The following TACC2 variants were observed in gnomAD, a reference collection of about 807,000 sequenced individuals.
The protein encoded by TACC2 is transforming acidic coiled-coil containing protein 2.
Under a neutral mutation model 227.3 loss-of-function variants are expected in TACC2, and 137 were observed. That is an observed-to-expected ratio of 0.60 (90% CI 0.52 to 0.69). The LOEUF is 0.69. Among genes scored for constraint, TACC2 ranks in the 30% least tolerant of loss-of-function variants. TACC2 has a pLI of 0.00. For synonymous variants in TACC2, 1,523 were observed against 1,487.5 expected, an observed-to-expected ratio of 1.02 and a Z score of -0.55; for missense variants, 3,470 against 3,694.4, an observed-to-expected ratio of 0.94 and a Z score of 1.57.
intron 3 of TACC2, among the ~76,000 whole-genome samples, chr10:122,062,336 C>T (rs2076928817): frequency 6.7e-6 from 1 of 149,042 alleles, no homozygotes; most frequent in African/African-American, 2.5e-5. Context: ...CCTGGAGTTT[C>T]ACTCTTGTTG....
intron 1 of TACC2, among the ~76,000 whole-genome samples, chr10:122,003,821 A>G (rs984780298): frequency 2.6e-5 from 4 of 151,632 alleles, no homozygotes; most frequent in Admixed American, 1.3e-4. Flanking sequence ...ATGCCCGGCT[A>G]ATTTTTTTGT....
At chr10:122,042,297 C>T (rs1227875921) in intron 2 of TACC2, among the ~76,000 whole-genome samples, 2 of 152,202 alleles carry the variant, frequency 1.3e-5, no homozygotes, top group East Asian at 3.9e-4. Flanking sequence ...GGCTGGAGTT[C>T]AGTGGCACAG....
At position 122,050,557 on chromosome 10, in the gene TACC2, G is replaced by A. The variant is rs1203345080; in HGVS notation, c.146+7G>A. The A allele has an allele frequency of 1.9e-6, 3 of 1,608,162 alleles. No homozygotes were observed. The highest frequency in any genetic ancestry group is 2.6e-6 in the Non-Finnish European group (3 of 1,175,370). On this transcript the variant is annotated splice_region_variant and intron_variant, in intron 3 of 22. Coordinates refer to ENST00000369005, the MANE Select transcript of TACC2 (RefSeq NM_206862.4). The surrounding 1 kb of genome is among the most constrained non-coding windows in gnomAD (Gnocchi z 4.6). Reference sequence around the variant, plus strand: ...ACCACAGAGACGCGTCCAGGTAGGAGGCCAGCTCTGGAGGACTGATGCAGC... The same window carrying A: ...ACCACAGAGACGCGTCCAGGTAGGAAGCCAGCTCTGGAGGACTGATGCAGC...
intron 7 of TACC2, among the ~76,000 whole-genome samples, chr10:122,177,493 C>T (rs2093774962): frequency 6.6e-6 from 1 of 152,036 alleles, no homozygotes; most frequent in African/African-American, 2.4e-5. Flanking sequence ...CACTTGAGCC[C>T]AGGAGTTCAA....
At chr10:122,176,215 A>C (rs2093711903) in intron 7 of TACC2, among the ~76,000 whole-genome samples, 1 of 151,460 alleles carries the variant, frequency 6.6e-6, no homozygotes, top group African/African-American at 2.4e-5. Context: ...CTGCAGATGA[A>C]GATTGGGTAC....
At position 122,083,432 on chromosome 10, in the gene TACC2, A is replaced by G. The variant is rs1387033561; in HGVS notation, c.932A>G (p.His311Arg). Residue 311 changes from histidine (H) to arginine (R), a missense_variant, in exon 4 of 23, where the codon CAT becomes CGT. Transcript: ENST00000369005. ...GACTTGGAATTCCTCAGGGCCTGCCATCTCCCTAGGAGCAATTCAGGGGCT... is the reference window on the plus strand; with the variant it reads ...GACTTGGAATTCCTCAGGGCCTGCCGTCTCCCTAGGAGCAATTCAGGGGCT... ...TDDLEFLRAC[H>R]LPRSNSGAAP... 1.9e-6 allele frequency: 3 copies of G among 1,613,564 alleles called. No homozygotes were observed. The highest frequency in any genetic ancestry group is 2.5e-6 in the Non-Finnish European group (3 of 1,180,022).
chr10:122,092,268 C>T (rs2080907252), intron 5 of TACC2, among the ~76,000 whole-genome samples: 1 of 152,168 alleles, frequency 6.6e-6, no homozygotes, highest in Admixed American at 6.5e-5. Flanking sequence ...CTGCACAGCC[C>T]AGAGTGATCT....
In TACC2 at chr10:122,050,722, C is replaced by CTT. The variant is rs1375434255; in HGVS notation, c.146+173_146+174insTT. 8.7e-6 allele frequency: 5 copies of CTT among 571,952 alleles called. No individual in the cohort carries two copies. Among genetic ancestry groups the CTT allele is most frequent in the Non-Finnish European group, 1.6e-5 (5 of 318,794 alleles). The allele number at this position is 571,952 out of a possible 1,614,324, so 35.4% of individuals were successfully genotyped here. On this transcript the variant is annotated intron_variant, in intron 3 of 22. Coordinates refer to ENST00000369005, the MANE Select transcript of TACC2 (RefSeq NM_206862.4). This position sits in a 1 kb window ranked among gnomAD's most constrained non-coding sequence, Gnocchi z 4.6. ...GGTTCACAGACCTCTCTGTGACTGGCTAGGCCTGCATGATTGAAAAATTCA... is the reference window on the plus strand; with the variant it reads ...GGTTCACAGACCTCTCTGTGACTGGCTTTAGGCCTGCATGATTGAAAAATTCA...
intron 9 of TACC2, among the ~76,000 whole-genome samples, chr10:122,214,934 A>G (rs1359010939): frequency 6.6e-6 from 1 of 151,838 alleles, no homozygotes; most frequent in Non-Finnish European, 1.5e-5. Flanking sequence ...CGAACTTTCT[A>G]TTTCTGCGTG....
At chr10:122,249,295 G>A (rs541317883) in intron 21 of TACC2, 139 bp downstream of exon 21, 3 of 738,678 alleles carry the variant, frequency 4.1e-6, no homozygotes, top group African/African-American at 1.8e-5. Context: ...AATAAGACTC[G>A]AGAGAAGGCA....
chr10:122,135,809 C>T (rs1029896060), intron 6 of TACC2, among the ~76,000 whole-genome samples: 11 of 152,340 alleles, frequency 7.2e-5, no homozygotes, highest in South Asian at 2.1e-4. Flanking sequence ...AACGAGGCAA[C>T]GCCCTGCCTT....
At chr10:122,117,962 T>A (rs2085010007) in intron 5 of TACC2, among the ~76,000 whole-genome samples, 1 of 152,138 alleles carries the variant, frequency 6.6e-6, no homozygotes, top group African/African-American at 2.4e-5. Context: ...TCTGGCTCCC[T>A]GCTTCACACA....
chr10:122,249,201 G>A, intron 21 of TACC2, 45 bp downstream of exon 21: 1 of 1,462,634 alleles, frequency 6.8e-7, no homozygotes, highest in Non-Finnish European at 9.5e-7. Flanking sequence ...CCTCCCAGCA[G>A]CCCTTTTACC....
At chr10:122,172,514 A>G (rs1381742895) in intron 7 of TACC2, among the ~76,000 whole-genome samples, 1 of 152,114 alleles carries the variant, frequency 6.6e-6, no homozygotes, top group Non-Finnish European at 1.5e-5. Context: ...CACATTGTTC[A>G]TTGTTCTGCG....
rs902532640 is a variant in TACC2 at position 122,085,552 on chromosome 10, T to C, written c.3052T>C (p.Ser1018Pro). The C allele has an allele frequency of 6.2e-6, 10 of 1,613,168 alleles. No individual in the cohort carries two copies. Among genetic ancestry groups the C allele is most frequent in the East Asian group, 2.2e-5 (1 of 44,870 alleles). Reference protein sequence around the residue: ...EEACQRHPGASEAADGCSPLW... With the variant: ...EEACQRHPGAPEAADGCSPLW... ...AGCATGTCAAAGGCATCCAGGAGCT[T>C]CTGAAGCAGCTGATGGTTGTTCCCC... The change falls in exon 4 of 23, where the codon TCT (serine) becomes CCT (proline). Residue 1018 changes from serine (S) to proline (P), a missense_variant. By Grantham distance (74) the Ser-to-Pro change is moderately conservative. Around this residue, in one of 10 missense-constraint regions of TACC2, gnomAD observed 1,924 missense variants for 1,978.3 expected, o/e 0.97. Coordinates refer to ENST00000369005, the MANE Select transcript of TACC2 (RefSeq NM_206862.4).
chr10:122,088,707 G>A (rs2080368385), intron 5 of TACC2, 116 bp downstream of exon 5: 1 of 1,545,956 alleles, frequency 6.5e-7, no homozygotes, highest in African/African-American at 1.4e-5. Context: ...ACATAAGAAA[G>A]AAGCAAATGG....
chr10:122,088,807 C>T, intron 5 of TACC2: 2 of 1,456,626 alleles, frequency 1.4e-6, no homozygotes, highest in Non-Finnish European at 1.8e-6. Flanking sequence ...TGCTTTCATA[C>T]TTGAGTTTAT....
chr10:122,053,676 C>T (rs2075941405), intron 3 of TACC2, among the ~76,000 whole-genome samples: 2 of 152,178 alleles, frequency 1.3e-5, no homozygotes, highest in Admixed American at 1.3e-4. Flanking sequence ...CTGCTCATTC[C>T]CCTCTGAACC....
At position 122,237,924 on chromosome 10, in the gene TACC2, T is replaced by C. The variant is rs1249096587; in HGVS notation, c.8272-37T>C. On this transcript the variant is annotated intron_variant, in intron 17 of 22. Coordinates refer to ENST00000369005, the MANE Select transcript of TACC2 (RefSeq NM_206862.4). ...ATTGCTCAGAGCTGAATTCACTCAT[T>C]TGGGGCTAACCTTTCTCTTCTTCTC... The C allele has an allele frequency of 2.6e-6, 4 of 1,522,982 alleles. No homozygotes were observed. The South Asian group carries it at 3.4e-5, about 13-fold the overall frequency. The allele number at this position is 1,522,982 out of a possible 1,614,324, so 94.3% of individuals were successfully genotyped here.
Sources: allele counts gnomAD v4.1 joint callset (sites outside exome capture counted in the v4.1 genomes callset), GRCh38; gene constraint gnomAD v4.1.1; regional missense constraint gnomAD v4.1.1; non-coding constraint Gnocchi (gnomAD v3.1); transcripts MANE v1.5; gene names NCBI Gene and HGNC (gene_info 2026-07-23, HGNC 2026-07-21).